Variants in ARNT2 observed in about 807,000 individuals in gnomAD.
The protein encoded by ARNT2 is aryl hydrocarbon receptor nuclear translocator 2, also known as ARNT protein 2.
A neutral mutation model predicts 91.7 loss-of-function variants in ARNT2; 36 were observed. The ratio of observed to expected loss-of-function variants is 0.39; its 90% CI spans 0.30 to 0.52. ARNT2 has a LOEUF of 0.52. Among genes scored for constraint, ARNT2 ranks in the 20% least tolerant of loss-of-function variants. The pLI is 0.72. For missense variants in ARNT2, 775 were observed against 939.3 expected, an observed-to-expected ratio of 0.83 and a Z score of 2.29; for synonymous variants, 365 against 347.1, an observed-to-expected ratio of 1.05 and a Z score of -0.57.
At chr15:80,406,158 G>A (rs1046473651) in intron 1 of ARNT2, among the ~76,000 whole-genome samples, 3 of 152,182 alleles carry the variant, frequency 2.0e-5, no homozygotes, top group Non-Finnish European at 4.4e-5. Flanking sequence ...TAGATTTGGA[G>A]TAAGAGTAAA....
intron 6 of ARNT2, among the ~76,000 whole-genome samples, chr15:80,508,644 C>A (rs964706426): frequency 6.6e-6 from 1 of 152,166 alleles, no homozygotes; most frequent in Admixed American, 6.5e-5. Flanking sequence ...TTTCCTGTCA[C>A]AATTCACACA....
chr15:80,577,803 C>T lies in ARNT2; in HGVS notation c.1613+838C>T, dbSNP rs146040647. On this transcript the variant is annotated intron_variant, in intron 15 of 18. Coordinates refer to ENST00000303329, the MANE Select transcript of ARNT2 (RefSeq NM_014862.4). The stretch of plus-strand genomic sequence containing the variant: ...GCTTCCACACTGGTTCAAGGACAGA[C>T]CTCCTGGAGACAGATTAGCAGACAT... 2.0e-5 allele frequency among the ~76,000 whole-genome samples: 3 copies of T among 152,362 alleles called. No individual in the cohort carries two copies. In the East Asian group the frequency reaches 5.8e-4, roughly 29 times the overall value.
At chr15:80,439,910 A>G (rs1191059718) in intron 1 of ARNT2, among the ~76,000 whole-genome samples, 1 of 152,028 alleles carries the variant, frequency 6.6e-6, no homozygotes, top group Non-Finnish European at 1.5e-5. Flanking sequence ...TCACCATCCC[A>G]TGGTTCTTTC....
chr15:80,478,187 C>G (rs953811407), intron 5 of ARNT2, among the ~76,000 whole-genome samples: 8 of 152,210 alleles, frequency 5.3e-5, no homozygotes, highest in African/African-American at 1.9e-4. Flanking sequence ...GCTGAAATCA[C>G]CTTCTCTGGA....
intron 8 of ARNT2, among the ~76,000 whole-genome samples, chr15:80,538,413 A>G (rs912846273): frequency 3.3e-5 from 5 of 152,164 alleles, no homozygotes; most frequent in African/African-American, 9.6e-5. Context: ...TTTTAATCCC[A>G]GTGCAATAAA....
At chr15:80,485,956 G>C (rs865974417) in intron 5 of ARNT2, among the ~76,000 whole-genome samples, 2 of 152,136 alleles carry the variant, frequency 1.3e-5, no homozygotes, top group Non-Finnish European at 2.9e-5. Flanking sequence ...TAAAACAATG[G>C]GAATGTGTTA....
intron 5 of ARNT2, among the ~76,000 whole-genome samples, chr15:80,476,737 A>T (rs149621906): frequency 8.8e-4 from 134 of 152,382 alleles, no homozygotes; most frequent in African/African-American, 3.1e-3. Context: ...GTATTTTCTC[A>T]TAGTTCTGGA....
At chr15:80,485,537 G>A (rs2045981818) in intron 5 of ARNT2, among the ~76,000 whole-genome samples, 1 of 152,202 alleles carries the variant, frequency 6.6e-6, no homozygotes, top group African/African-American at 2.4e-5. Context: ...AGGTGTTGTG[G>A]AGGAAAAGGC....
At chr15:80,559,292 G>C (rs1898270326) in intron 11 of ARNT2, among the ~76,000 whole-genome samples, 1 of 152,214 alleles carries the variant, frequency 6.6e-6, no homozygotes, top group African/African-American at 2.4e-5. Flanking sequence ...TGGGATGGGA[G>C]GCCGAGACAG....
chr15:80,489,550 C>G (rs567996017), intron 5 of ARNT2, among the ~76,000 whole-genome samples: 3 of 152,220 alleles, frequency 2.0e-5, no homozygotes, highest in Non-Finnish European at 2.9e-5. Context: ...CACAAGAGCT[C>G]GGCATCATGA....
At chr15:80,505,924 G>GTTTTTT (rs1486880107) in intron 5 of ARNT2, among the ~76,000 whole-genome samples, 24 of 71,182 alleles carry the variant, frequency 3.4e-4, no homozygotes, top group African/African-American at 1.5e-3. Context: ...CCCAACATTT[G>GTTTTTT]TTGTTTTTTT....
chr15:80,567,808 T>G (rs1319036163), intron 12 of ARNT2, among the ~76,000 whole-genome samples: 4 of 152,228 alleles, frequency 2.6e-5, no homozygotes, highest in African/African-American at 9.6e-5. Flanking sequence ...TGAAAGGTCC[T>G]ACACTGGTGA....
At chr15:80,520,752 G>A (rs1897531240) in intron 8 of ARNT2, among the ~76,000 whole-genome samples, 1 of 151,978 alleles carries the variant, frequency 6.6e-6, no homozygotes, top group Non-Finnish European at 1.5e-5. Context: ...AATAAAGCTA[G>A]GGAAAAAAAT....
At chr15:80,464,661 C>T (rs1020663495) in intron 3 of ARNT2, among the ~76,000 whole-genome samples, 1 of 152,210 alleles carries the variant, frequency 6.6e-6, no homozygotes, top group Non-Finnish European at 1.5e-5. Flanking sequence ...GGAAAACTGC[C>T]TTACTGAATA....
intron 3 of ARNT2, among the ~76,000 whole-genome samples, chr15:80,462,357 T>C (rs955002977): frequency 6.6e-6 from 1 of 152,188 alleles, no homozygotes; most frequent in South Asian, 2.1e-4. Flanking sequence ...TTATACACCG[T>C]GCTCATCGTG....
At chr15:80,426,718 C>T (rs1192429364) in intron 1 of ARNT2, among the ~76,000 whole-genome samples, 3 of 152,218 alleles carry the variant, frequency 2.0e-5, no homozygotes, top group Non-Finnish European at 2.9e-5. Flanking sequence ...TGGTTAGGTG[C>T]TGTGGACCAG....
intron 1 of ARNT2, among the ~76,000 whole-genome samples, chr15:80,422,023 A>C (rs1310955573): frequency 1.3e-5 from 2 of 152,230 alleles, no homozygotes; most frequent in Non-Finnish European, 1.5e-5. Flanking sequence ...AATTACAGAG[A>C]ATTCAGCACA....
intron 5 of ARNT2, among the ~76,000 whole-genome samples, chr15:80,483,569 G>A (rs565613117): frequency 6.6e-6 from 1 of 152,290 alleles, no homozygotes; most frequent in South Asian, 2.1e-4. Flanking sequence ...GCAGCCTTAG[G>A]AACCTCACCG....
rs766922773 is a variant in ARNT2, at chr15:80,470,201, T to C, written c.195-17T>C. Reference sequence around the variant, plus strand: ...TCTCTTTTTTCCCCCTCTCCTGATCTCGTGCTTTCTGGAAAGAGAGAATCA... The same window carrying C: ...TCTCTTTTTTCCCCCTCTCCTGATCCCGTGCTTTCTGGAAAGAGAGAATCA... On this transcript the variant is annotated splice_polypyrimidine_tract_variant and intron_variant, in intron 3 of 18. Transcript: ENST00000303329. 4 of 1,610,490 alleles carry C rather than the reference T, an allele frequency of 2.5e-6. No individual in the cohort carries two copies. The highest frequency in any genetic ancestry group is 3.4e-6 in the Non-Finnish European group (4 of 1,177,538).
Sources: allele counts gnomAD v4.1 joint callset (sites outside exome capture counted in the v4.1 genomes callset), GRCh38; gene constraint gnomAD v4.1.1; transcripts MANE v1.5; gene names NCBI Gene and HGNC (gene_info 2026-07-23, HGNC 2026-07-21).